Variants in SMYD2 observed in about 807,000 individuals in gnomAD.
The protein encoded by SMYD2 is N-lysine methyltransferase SMYD2.
A neutral mutation model predicts 59.1 loss-of-function variants in SMYD2; 53 were observed. That is an observed-to-expected ratio of 0.90 (90% CI 0.72 to 1.13). The LOEUF (loss-of-function observed/expected upper bound fraction) is 1.13, where lower values mean the gene tolerates loss of function less well. SMYD2 is among the 50% of genes most tolerant of loss of function. The pLI is 0.00. For synonymous variants in SMYD2, 208 were observed against 198.8 expected (o/e 1.05, Z -0.39); for missense variants, 494 against 544.7 (o/e 0.91, Z 0.93).
intron 5 of SMYD2, among the ~76,000 whole-genome samples, chr1:214,319,853 C>T (rs1037703802): frequency 2.6e-5 from 4 of 152,200 alleles, no homozygotes; most frequent in South Asian, 2.1e-4. Context: ...CATCAGTCTC[C>T]GGATGTGTAA....
intron 9 of SMYD2, chr1:214,331,730 T>G: frequency 3.5e-6 from 1 of 288,372 alleles, no homozygotes; most frequent in Non-Finnish European, 6.5e-6. Context: ...TGGGTGAGGA[T>G]TTGAATTTGA....
intron 8 of SMYD2, 147 bp from the exon 9 acceptor site, chr1:214,330,803 C>T: frequency 8.5e-7 from 1 of 1,181,736 alleles, no homozygotes; most frequent in Non-Finnish European, 1.2e-6. Context: ...TCTTCAGATG[C>T]ATTGCCTGAT....
chr1:214,290,712 A>T (rs1656622392), intron 1 of SMYD2, among the ~76,000 whole-genome samples: 1 of 152,168 alleles, frequency 6.6e-6, no homozygotes. Context: ...GTGGTAAGAT[A>T]ATCTGGCTGT....
rs1386800752 is a variant in SMYD2, at chr1:214,312,679, C to T, written c.238-2083C>T. Among the ~76,000 whole-genome samples, 1 of 152,122 alleles carries T rather than the reference C, an allele frequency of 6.6e-6. No homozygotes were observed. Among genetic ancestry groups the T allele is most frequent in the Non-Finnish European group, 1.5e-5 (1 of 68,030 alleles). On this transcript the variant is annotated intron_variant, in intron 2 of 11. Coordinates refer to ENST00000366957, the MANE Select transcript of SMYD2 (RefSeq NM_020197.3). The surrounding 1 kb of genome is among the most constrained non-coding windows in gnomAD (Gnocchi z 4.1). ...TGAGGCAGGTACATGGCTCCAGGCGCAGCCAGGACACTTCTGTGGCTAAGT... is the reference window on the plus strand; with the variant it reads ...TGAGGCAGGTACATGGCTCCAGGCGTAGCCAGGACACTTCTGTGGCTAAGT...
chr1:214,293,876 A>C (rs950188890), intron 1 of SMYD2, among the ~76,000 whole-genome samples: 1 of 151,678 alleles, frequency 6.6e-6, no homozygotes, highest in African/African-American at 2.4e-5. Context: ...GGGTTTCTCC[A>C]TGTTGGTCTG....
Position 214,305,176 on chromosome 1 carries a change from C to G in SMYD2, c.174-11C>G, listed in dbSNP as rs370557695. The G allele has an allele frequency of 9.3e-6, 15 of 1,613,794 alleles. No individual in the cohort carries two copies. The highest frequency in any genetic ancestry group is 2.7e-5 in the African/African-American group (2 of 74,924). ...GTCTGTCACCACTACAGTGCCCTTTCTGTTTTTAAGGAAAGAAGGATTGTC... is the reference window on the plus strand; with the variant it reads ...GTCTGTCACCACTACAGTGCCCTTTGTGTTTTTAAGGAAAGAAGGATTGTC... On this transcript the variant is annotated splice_polypyrimidine_tract_variant and intron_variant, in intron 1 of 11. Transcript: ENST00000366957.
intron 2 of SMYD2, among the ~76,000 whole-genome samples, chr1:214,309,292 T>TAG (rs1656962663): frequency 6.6e-6 from 1 of 152,156 alleles, no homozygotes; most frequent in South Asian, 2.1e-4. Context: ...GTGCGTTATT[T>TAG]TGTAACCTGT....
At chr1:214,297,640 T>G (rs189082034) in intron 1 of SMYD2, among the ~76,000 whole-genome samples, 64 of 152,340 alleles carry the variant, frequency 4.2e-4, no homozygotes, top group Admixed American at 6.5e-4. Flanking sequence ...ATGAGACTTA[T>G]GAAGAGTTTA....
intron 6 of SMYD2, among the ~76,000 whole-genome samples, chr1:214,325,773 CTTTTTT>C (rs59821609): frequency 2.5e-4 from 30 of 118,762 alleles, no homozygotes; most frequent in Non-Finnish European, 1.8e-4. Context: ...AGGAAAGAAG[CTTTTTT>C]TTTTTTTTTT....
rs143758337 is a variant in SMYD2, at chr1:214,282,979, G to T, written c.173+1552G>T. Reference sequence around the variant, plus strand: ...AAGCAGGTCAGGCAGCACAGAAGGAGCCTCCATCAGGGATCCTGGCAATTC... The same window carrying T: ...AAGCAGGTCAGGCAGCACAGAAGGATCCTCCATCAGGGATCCTGGCAATTC... On this transcript the variant is annotated intron_variant, in intron 1 of 11. Transcript: ENST00000366957. Among the ~76,000 whole-genome samples, 134 of 152,292 alleles carry T rather than the reference G, an allele frequency of 8.8e-4. 2 individuals carry two copies. Among genetic ancestry groups the T allele is most frequent in the Middle Eastern group, 6.8e-3 (2 of 294 alleles).
intron 1 of SMYD2, among the ~76,000 whole-genome samples, chr1:214,293,033 G>A (rs1289448603): frequency 7.7e-6 from 1 of 129,072 alleles, no homozygotes; most frequent in Admixed American, 7.1e-5. Flanking sequence ...GTGTGTGTGT[G>A]TGTGTGTGTG....
intron 9 of SMYD2, chr1:214,331,688 C>T (rs1295808305): frequency 4.3e-6 from 1 of 234,990 alleles, no homozygotes; most frequent in Admixed American, 5.0e-5. Context: ...AAGAACTTTG[C>T]CACAGTGGGA....
At chr1:214,333,364 C>G (rs1292195277) in intron 10 of SMYD2, 1 of 152,378 alleles carries the variant, frequency 6.6e-6, no homozygotes, top group East Asian at 1.9e-4. Flanking sequence ...TCCCGGAAGC[C>G]CAGCTCTGGT....
intron 5 of SMYD2, among the ~76,000 whole-genome samples, chr1:214,322,771 A>G (rs910797074): frequency 6.6e-6 from 1 of 152,216 alleles, no homozygotes; most frequent in African/African-American, 2.4e-5. Context: ...TGAGCAAGTC[A>G]CTTAATCATT....
intron 1 of SMYD2, among the ~76,000 whole-genome samples, chr1:214,287,268 T>G (rs912943605): frequency 1.3e-5 from 2 of 151,826 alleles, no homozygotes; most frequent in African/African-American, 4.8e-5. Context: ...ATACTGGAAA[T>G]TGTTGACCAG....
intron 1 of SMYD2, among the ~76,000 whole-genome samples, chr1:214,296,174 C>T (rs1459139106): frequency 6.6e-6 from 1 of 152,212 alleles, no homozygotes; most frequent in African/African-American, 2.4e-5. Flanking sequence ...TGATCTAGAC[C>T]AACAGCACCT....
chr1:214,307,139 C>T (rs996963114), intron 2 of SMYD2, among the ~76,000 whole-genome samples: 3 of 152,230 alleles, frequency 2.0e-5, no homozygotes, highest in African/African-American at 7.2e-5. Flanking sequence ...TGCCTTTGCA[C>T]TCCAGCCTGG....
chr1:214,307,791 G>C (rs932329478), intron 2 of SMYD2, among the ~76,000 whole-genome samples: 1 of 152,196 alleles, frequency 6.6e-6, no homozygotes, highest in Non-Finnish European at 1.5e-5. Context: ...TTGTAAGCGT[G>C]CAATGAGGGG....
At chr1:214,310,772 C>T (rs1316784866) in intron 2 of SMYD2, among the ~76,000 whole-genome samples, 1 of 152,072 alleles carries the variant, frequency 6.6e-6, no homozygotes, top group Non-Finnish European at 1.5e-5. Flanking sequence ...AGTCTGGTTG[C>T]TTGTAATTTC....
Sources: allele counts gnomAD v4.1 joint callset (sites outside exome capture counted in the v4.1 genomes callset), GRCh38; gene constraint gnomAD v4.1.1; non-coding constraint Gnocchi (gnomAD v3.1); transcripts MANE v1.5; gene names NCBI Gene and HGNC (gene_info 2026-07-23, HGNC 2026-07-21).